The following RAB40B variants were observed in gnomAD, a reference collection of about 807,000 sequenced individuals.
RAB40B encodes the protein RAB40B, member RAS oncogene family.
Under a neutral mutation model 24.0 loss-of-function variants are expected in RAB40B, and 21 were observed. The observed-to-expected ratio is 0.88, with a 90% CI of 0.62 to 1.26. The LOEUF (loss-of-function observed/expected upper bound fraction) is 1.26, where lower values mean the gene tolerates loss of function less well. Among genes scored for constraint, RAB40B ranks in the 50% most tolerant of loss-of-function variants. The probability of loss-of-function intolerance (pLI) is 0.00; values close to 1 mark genes in which losing one functional copy is unlikely to be tolerated. For missense variants in RAB40B, 348 were observed against 390.5 expected, an observed-to-expected ratio of 0.89 and a Z score of 0.92; for synonymous variants, 167 against 169.8, an observed-to-expected ratio of 0.98 and a Z score of 0.13.
At chr17:82,677,656 G>A (rs1454307935) in intron 1 of RAB40B, among the ~76,000 whole-genome samples, 8 of 152,142 alleles carry the variant, frequency 5.3e-5, no homozygotes, top group African/African-American at 9.7e-5. Context: ...TCCACCACCC[G>A]TCTCCAGGGC....
intron 1 of RAB40B, among the ~76,000 whole-genome samples, chr17:82,685,840 G>A (rs1301673162): frequency 6.8e-6 from 1 of 148,070 alleles, no homozygotes; most frequent in East Asian, 2.0e-4. Flanking sequence ...GTCTCGCCCT[G>A]TCACCCAGGC....
intron 1 of RAB40B, among the ~76,000 whole-genome samples, chr17:82,693,389 A>G (rs2046577602): frequency 6.6e-6 from 1 of 152,216 alleles, no homozygotes; most frequent in African/African-American, 2.4e-5. Flanking sequence ...AAGGCAAACT[A>G]CACACCACAG....
chr17:82,689,812 C>CA (rs768163202), intron 1 of RAB40B, among the ~76,000 whole-genome samples: 2 of 151,814 alleles, frequency 1.3e-5, no homozygotes, highest in Non-Finnish European at 2.9e-5. Context: ...ACTAAAACTA[C>CA]AAAAAATTAG....
intron 1 of RAB40B, among the ~76,000 whole-genome samples, chr17:82,679,226 C>T (rs1463373569): frequency 1.3e-5 from 2 of 151,670 alleles, no homozygotes; most frequent in Admixed American, 1.3e-4. Flanking sequence ...CAGCAACCAC[C>T]TTCTCCGGTA....
chr17:82,668,816 T>G (rs528538357), intron 1 of RAB40B, among the ~76,000 whole-genome samples: 5 of 152,200 alleles, frequency 3.3e-5, no homozygotes, highest in Non-Finnish European at 5.9e-5. Context: ...AAGGCGGAGC[T>G]GCTGCCTGAT....
chr17:82,658,734 G>A (rs753313655), intron 4 of RAB40B, 21 bp from the exon 5 acceptor site: 11 of 1,593,396 alleles, frequency 6.9e-6, no homozygotes, highest in African/African-American at 1.3e-5. Flanking sequence ...GGAGAAAGGC[G>A]AGGAGCATGG....
At position 82,692,767 on chromosome 17, in the gene RAB40B, A is replaced by T. The variant is rs1193533275; in HGVS notation, c.142+5688T>A. Among the ~76,000 whole-genome samples the T allele has an allele frequency of 6.6e-6, 1 of 152,164 alleles. No homozygotes were observed. The highest frequency in any genetic ancestry group is 1.5e-5 in the Non-Finnish European group (1 of 68,032). The stretch of plus-strand genomic sequence containing the variant: ...AACAGGACCCAAAGTCCTAACCACA[A>T]AACACTGATAATTTGGATTATGTTA... On this transcript the variant is annotated intron_variant, in intron 1 of 5. Coordinates refer to ENST00000571995, the MANE Select transcript of RAB40B (RefSeq NM_006822.3). The surrounding 1 kb of genome is among the most constrained non-coding windows in gnomAD (Gnocchi z 4.0).
At chr17:82,680,179 G>A (rs1598310433) in intron 1 of RAB40B, among the ~76,000 whole-genome samples, 1 of 152,230 alleles carries the variant, frequency 6.6e-6, no homozygotes, top group South Asian at 2.1e-4. Flanking sequence ...CTCTCAGGGT[G>A]GGGTGACCTC....
chr17:82,688,353 G>A (rs981157610), intron 1 of RAB40B, among the ~76,000 whole-genome samples: 2 of 151,486 alleles, frequency 1.3e-5, no homozygotes, highest in South Asian at 2.1e-4. Flanking sequence ...GGTAGCTCAC[G>A]CCTGTAATCC....
chr17:82,662,682 C>T, intron 2 of RAB40B: 2 of 985,306 alleles, frequency 2.0e-6, no homozygotes, highest in Non-Finnish European at 2.4e-6. Context: ...AGAGCAGCCT[C>T]AGGGTCCTGC....
At position 82,692,101 on chromosome 17, in the gene RAB40B, G is replaced by T. The variant is rs1340854813; in HGVS notation, c.142+6354C>A. The stretch of plus-strand genomic sequence containing the variant: ...ACAGGCAGAGCAGTGGGGCCCGCAC[G>T]GTCCGTGGGCTGAGGTGACAGGCAG... On this transcript the variant is annotated intron_variant, in intron 1 of 5. Coordinates refer to ENST00000571995, the MANE Select transcript of RAB40B (RefSeq NM_006822.3). This position sits in a 1 kb window ranked among gnomAD's most constrained non-coding sequence, Gnocchi z 4.0. Among the ~76,000 whole-genome samples, 279 of 4,580 alleles carry T rather than the reference G, an allele frequency of 0.061. 18 individuals are homozygous for T. The highest frequency in any genetic ancestry group is 0.23 in the East Asian group (60 of 260). 3.0% of individuals were successfully genotyped at this position (4,580 alleles called of 152,430 possible). A position where few individuals can be genotyped will look rare whatever the true frequency, so the allele number is the denominator to read the frequency against.
intron 1 of RAB40B, chr17:82,696,294 A>G (rs952194585): frequency 1.3e-5 from 2 of 152,310 alleles, no homozygotes; most frequent in Non-Finnish European, 2.9e-5. Context: ...GTCACGCAGC[A>G]GAAGCATCCC....
intron 1 of RAB40B, among the ~76,000 whole-genome samples, chr17:82,680,954 C>T (rs908135950): frequency 7.3e-5 from 10 of 136,210 alleles, no homozygotes; most frequent in Admixed American, 1.7e-4. Flanking sequence ...CATTTGAACC[C>T]GGGAGGCAGT....
At chr17:82,659,351 T>C (rs1297531998) in intron 4 of RAB40B, 6 of 546,926 alleles carry the variant, frequency 1.1e-5, no homozygotes, top group Non-Finnish European at 1.3e-5. Flanking sequence ...CCGTGGACGC[T>C]CGTTTCGTCT....
Position 82,698,457 on chromosome 17 carries a change from G to T in RAB40B, c.140C>A (p.Ala47Glu), listed in dbSNP as rs747177423. Residue 47 changes from alanine (A) to glutamate (E), a missense_variant and splice_region_variant, in exon 1 of 6, where the codon GCG (alanine) becomes GAG (glutamate). Physicochemically the swap from Ala to Glu is moderately radical, Grantham distance 107 (BLOSUM62 -1). Coordinates refer to ENST00000571995, the MANE Select transcript of RAB40B (RefSeq NM_006822.3). ...GAAESPYGHP[A>E]GIDYKTTTIL... ...GCACGCCCTCCGCCCGCGCTCACCC[G>T]CCGGGTGGCCGTACGGGGACTCGGC... 2.8e-6 allele frequency: 4 copies of T among 1,416,852 alleles called. No homozygotes were observed. The highest frequency in any genetic ancestry group is 2.6e-5 in the South Asian group (2 of 75,964). The allele number at this position is 1,416,852 out of a possible 1,614,324, so 87.8% of individuals were successfully genotyped here. A position where few individuals can be genotyped will look rare whatever the true frequency, so the allele number is the denominator to read the frequency against.
At chr17:82,680,759 C>T (rs926682970) in intron 1 of RAB40B, among the ~76,000 whole-genome samples, 4 of 152,092 alleles carry the variant, frequency 2.6e-5, no homozygotes, top group African/African-American at 4.8e-5. Context: ...GGGCCAGGCA[C>T]GGTGGCTCAC....
At chr17:82,674,811 C>T (rs373545721) in intron 1 of RAB40B, among the ~76,000 whole-genome samples, 12 of 152,056 alleles carry the variant, frequency 7.9e-5, no homozygotes, top group Middle Eastern at 6.8e-3. Context: ...GTGGGAAGAA[C>T]GAACCCCAGA....
chr17:82,678,699 G>A (rs1301474689), intron 1 of RAB40B, among the ~76,000 whole-genome samples: 1 of 152,164 alleles, frequency 6.6e-6, no homozygotes, highest in Non-Finnish European at 1.5e-5. Flanking sequence ...CAGACTGGCG[G>A]TCCCCGGGGC....
rs750485813 is a variant in RAB40B at position 82,658,708 on chromosome 17, G to A, written c.348C>T (p.Ala116=). The A allele has an allele frequency of 1.3e-5, 21 of 1,608,776 alleles. No homozygotes were observed. In the South Asian group the frequency reaches 2.3e-4, roughly 18 times the overall value. ...CCACCAGGATCTTGGGGACTCCGGG[G>A]GCATGCTAGCGGGCAGGAGAAAGGC... The part of the protein sequence containing the change: ...DRWIKEIDEH[A]PGVPKILVGN... Residue 116 remains alanine (A), a synonymous_variant, in exon 5 of 6, where the codon GCC becomes GCT. Coordinates refer to ENST00000571995, the MANE Select transcript of RAB40B (RefSeq NM_006822.3).
Sources: gnomAD v4.1 joint callset for allele counts (sites outside exome capture counted in the v4.1 genomes callset) on GRCh38, gnomAD v4.1.1 for gene constraint, Gnocchi (gnomAD v3.1) non-coding constraint, MANE v1.5 for transcripts, NCBI Gene and HGNC (gene_info 2026-07-23, HGNC 2026-07-21) for gene names.